Variants in TMEM232 observed in about 807,000 individuals in gnomAD.
TMEM232 encodes transmembrane protein 232.
TMEM232 carries 80 observed loss-of-function variants against 78.8 expected under a neutral mutation model. That is an observed-to-expected ratio of 1.01 (90% CI 0.85 to 1.22). The LOEUF (loss-of-function observed/expected upper bound fraction) is 1.22. TMEM232 is among the 50% of genes most tolerant of loss of function. TMEM232 has a pLI of 0.00. For synonymous variants in TMEM232, 297 were observed against 254.3 expected (o/e 1.17, Z -1.60); for missense variants, 881 against 742.2 (o/e 1.19, Z -2.17).
At chr5:110,482,278 A>ACAT (rs919568476) in intron 12 of TMEM232, among the ~76,000 whole-genome samples, 11 of 152,096 alleles carry the variant, frequency 7.2e-5, no homozygotes, top group African/African-American at 2.7e-4. Context: ...ATTTTTTGAA[A>ACAT]CATTAAAAAA....
In TMEM232 at chr5:110,596,601, T is replaced by G. The variant is rs534184728; in HGVS notation, c.1276+8508A>C. Among the ~76,000 whole-genome samples the G allele has an allele frequency of 2.3e-4, 35 of 152,276 alleles. No individual in the cohort carries two copies. In the South Asian group the frequency reaches 7.0e-3, roughly 31 times the overall value. ...GACCAATATCCTTGATGAACATTCA[T>G]GCAAAAATCCTCAGTAAAATACTGG... is the stretch of plus-strand genomic sequence containing the variant. On this transcript the variant is annotated intron_variant, in intron 10 of 13. Transcript: ENST00000455884.
intron 5 of TMEM232, among the ~76,000 whole-genome samples, chr5:110,637,246 T>C (rs1785976224): frequency 6.6e-6 from 1 of 151,618 alleles, no homozygotes; most frequent in Non-Finnish European, 1.5e-5. Flanking sequence ...CCAAAACAGT[T>C]ATTGGTAATA....
At chr5:110,738,307 A>G, upstream of TMEM232, 1 of 1,225,892 alleles carries the variant, frequency 8.2e-7, no homozygotes, top group Non-Finnish European at 1.1e-6. Flanking sequence ...CCCAATTTTG[A>G]ACGATATAAC....
chr5:110,580,225 A>C (rs1778026443), intron 10 of TMEM232, among the ~76,000 whole-genome samples: 2 of 151,832 alleles, frequency 1.3e-5, no homozygotes, highest in South Asian at 4.1e-4. Flanking sequence ...GTTGTCCCAT[A>C]AGATTATAGT....
At chr5:110,679,936 A>G (rs948470392) in intron 1 of TMEM232, among the ~76,000 whole-genome samples, 1 of 152,108 alleles carries the variant, frequency 6.6e-6, no homozygotes, top group Non-Finnish European at 1.5e-5. Context: ...ACAATTTAGA[A>G]GTTTTAAAAT....
At chr5:110,637,631 C>A (rs1786044707) in intron 5 of TMEM232, among the ~76,000 whole-genome samples, 1 of 151,656 alleles carries the variant, frequency 6.6e-6, no homozygotes, top group Admixed American at 6.6e-5. Context: ...TCTTTTCTTT[C>A]TTTGCAGTAA....
At chr5:110,713,648 A>G (rs1796724459) in intron 1 of TMEM232, among the ~76,000 whole-genome samples, 1 of 152,230 alleles carries the variant, frequency 6.6e-6, no homozygotes, top group Non-Finnish European at 1.5e-5. Flanking sequence ...TGCTGATTTG[A>G]CATACAGATA....
chr5:110,692,775 G>A (rs778749046), intron 1 of TMEM232, among the ~76,000 whole-genome samples: 2 of 152,196 alleles, frequency 1.3e-5, no homozygotes, highest in Non-Finnish European at 2.9e-5. Context: ...CATTGCCAAG[G>A]CTTGAGTAGG....
chr5:110,738,374 CTA>C, upstream of TMEM232: 5 of 590,444 alleles, frequency 8.5e-6, no homozygotes, highest in South Asian at 1.6e-4. Context: ...CGACAGAAAA[CTA>C]TAGTTTCTTT....
At chr5:110,625,176 C>T (rs1784254672) in intron 7 of TMEM232, 91 bp downstream of exon 7, 1 of 1,294,520 alleles carries the variant, frequency 7.7e-7, no homozygotes. Context: ...TCCTCAATGT[C>T]TACTGTATTG....
intron 12 of TMEM232, among the ~76,000 whole-genome samples, chr5:110,470,830 G>A (rs1207750919): frequency 6.6e-6 from 1 of 152,118 alleles, no homozygotes; most frequent in African/African-American, 2.4e-5. Flanking sequence ...AAAAAGCAAT[G>A]AAAAATCAAG....
At chr5:110,548,522 A>G (rs1347090168) in intron 11 of TMEM232, among the ~76,000 whole-genome samples, 1 of 151,728 alleles carries the variant, frequency 6.6e-6, no homozygotes, top group East Asian at 1.9e-4. Flanking sequence ...TGTAACCACC[A>G]AACGAGTAAA....
intron 12 of TMEM232, among the ~76,000 whole-genome samples, chr5:110,472,785 C>T (rs943080853): frequency 3.3e-5 from 5 of 151,932 alleles, no homozygotes; most frequent in Non-Finnish European, 7.4e-5. Flanking sequence ...CTTAAGCCAA[C>T]TTATTTTTGC....
At chr5:110,667,797 T>G (rs1254237418) in intron 1 of TMEM232, 1 of 152,330 alleles carries the variant, frequency 6.6e-6, no homozygotes, top group African/African-American at 2.4e-5. Context: ...GGAAACTTTA[T>G]GTAATCACTT....
At chr5:110,618,301 G>A in intron 8 of TMEM232, 128 bp downstream of exon 8, 1 of 1,184,464 alleles carries the variant, frequency 8.4e-7, no homozygotes, top group Non-Finnish European at 1.2e-6. Context: ...ATTGCCTTTG[G>A]AACTGAGATT....
chr5:110,566,897 G>GA (rs1776406296), intron 11 of TMEM232, among the ~76,000 whole-genome samples: 1 of 151,802 alleles, frequency 6.6e-6, no homozygotes, highest in African/African-American at 2.4e-5. Flanking sequence ...AATTTATAAA[G>GA]AAAAAGAGGT....
intron 1 of TMEM232, among the ~76,000 whole-genome samples, chr5:110,683,517 G>A (rs1020985634): frequency 2.0e-5 from 3 of 151,522 alleles, no homozygotes; most frequent in Non-Finnish European, 4.4e-5. Flanking sequence ...TAACCAGCAC[G>A]CTTAAACAAA....
At chr5:110,489,873 C>T (rs1378333300) in intron 12 of TMEM232, among the ~76,000 whole-genome samples, 1 of 151,918 alleles carries the variant, frequency 6.6e-6, no homozygotes, top group African/African-American at 2.4e-5. Context: ...TGCCTGTAAT[C>T]CTAGCACTTT....
intron 1 of TMEM232, among the ~76,000 whole-genome samples, chr5:110,718,190 C>T (rs1273066951): frequency 6.6e-6 from 1 of 151,924 alleles, no homozygotes; most frequent in African/African-American, 2.4e-5. Flanking sequence ...TATAGAATGC[C>T]GTGCTAGATA....
Sources: gnomAD v4.1 joint callset for allele counts (sites outside exome capture counted in the v4.1 genomes callset) on GRCh38, gnomAD v4.1.1 for gene constraint, MANE v1.5 for transcripts, NCBI Gene and HGNC (gene_info 2026-07-23, HGNC 2026-07-21) for gene names.